The following MLLT3 variants were observed in gnomAD, a reference collection of about 807,000 sequenced individuals.
The protein encoded by MLLT3 is MLLT3 super elongation complex subunit.
MLLT3 carries 4 observed loss-of-function variants against 53.2 expected under a neutral mutation model. That is an observed-to-expected ratio of 0.08 (90% CI 0.04 to 0.17). The LOEUF (loss-of-function observed/expected upper bound fraction) is 0.17, where lower values mean the gene tolerates loss of function less well. Ranked by LOEUF, MLLT3 falls within the 10% of genes least tolerant of loss-of-function variation. The pLI is 1.00. For synonymous variants in MLLT3, 283 were observed against 230.6 expected, an observed-to-expected ratio of 1.23 and a Z score of -2.06; for missense variants, 569 against 684.0, an observed-to-expected ratio of 0.83 and a Z score of 1.87.
intron 4 of MLLT3, chr9:20,418,449 C>T (rs1254074261): frequency 6.6e-6 from 1 of 152,200 alleles, no homozygotes; most frequent in East Asian, 1.9e-4. Context: ...ATTTGATTTA[C>T]TTTTCCCACT....
intron 10 of MLLT3, among the ~76,000 whole-genome samples, chr9:20,351,608 C>T (rs1009293323): frequency 5.3e-5 from 8 of 152,270 alleles, no homozygotes; most frequent in Admixed American, 1.3e-4. Context: ...AGTTATTAAC[C>T]GCTTTTTGTG....
intron 2 of MLLT3, among the ~76,000 whole-genome samples, chr9:20,605,168 G>A (rs1820529551): frequency 6.6e-6 from 1 of 152,014 alleles, no homozygotes; most frequent in Non-Finnish European, 1.5e-5. Flanking sequence ...ACTGTATAAT[G>A]ATTTTTATAA....
intron 2 of MLLT3, among the ~76,000 whole-genome samples, chr9:20,553,797 T>G (rs1426972064): frequency 6.6e-6 from 1 of 152,098 alleles, no homozygotes; most frequent in Non-Finnish European, 1.5e-5. Context: ...ATTAGAAACT[T>G]TCCTTGCCTG....
rs1203342715 is a variant in MLLT3, at chr9:20,414,096, C to A, written c.750G>T (p.Lys250Asn). 1 of 1,613,530 alleles carries A rather than the reference C, an allele frequency of 6.2e-7. No individual in the cohort carries two copies. The highest frequency in any genetic ancestry group is 8.5e-7 in the Non-Finnish European group (1 of 1,179,944). The change falls in exon 5 of 11, where the codon AAG (lysine) becomes AAT (asparagine). Residue 250 changes from lysine (K) to asparagine (N), a missense_variant. This residue lies in a region of MLLT3 where 437 missense variants were observed against 376.5 expected (regional missense o/e 1.16). Coordinates refer to ENST00000380338, the MANE Select transcript of MLLT3 (RefSeq NM_004529.4). Reference sequence around the variant, plus strand: ...TGGGTTTAGGTTCCTTGAAGGCCATCTTAGGAACTATTTTCTCTTCTTTCA... The same window carrying A: ...TGGGTTTAGGTTCCTTGAAGGCCATATTAGGAACTATTTTCTCTTCTTTCA... ...KPLKEEKIVP[K>N]MAFKEPKPMS...
At chr9:20,607,427 G>A (rs539834940) in intron 2 of MLLT3, among the ~76,000 whole-genome samples, 2 of 151,996 alleles carry the variant, frequency 1.3e-5, no homozygotes, top group Non-Finnish European at 1.5e-5. Context: ...ATCACATTTA[G>A]AATTCTCTCA....
chr9:20,611,419 A>C (rs1820699571), intron 2 of MLLT3, among the ~76,000 whole-genome samples: 1 of 152,098 alleles, frequency 6.6e-6, no homozygotes, highest in South Asian at 2.1e-4. Flanking sequence ...AAATCAATAT[A>C]CACACACAGA....
intron 2 of MLLT3, among the ~76,000 whole-genome samples, chr9:20,615,874 G>GAAAAAAAAAAAAAAAAAAAAATA (rs10579863): frequency 7.5e-6 from 1 of 132,614 alleles, no homozygotes; most frequent in Non-Finnish European, 1.6e-5. Context: ...AAAGAGATTT[G>GAAAAAAAAAAAAAAAAAAAAATA]AAAAAAAAAA....
Position 20,622,295 on chromosome 9 carries a change from A to G in MLLT3, c.-39T>C. On this transcript the variant is annotated 5_prime_UTR_variant, in exon 1 of 11. Transcript: ENST00000380338. Reference sequence around the variant, plus strand: ...GAGGTTTGCTGGGGTGTTGTGTGGTACCCCCCCCTCCTCCGCCCCCCCTCA... The same window carrying G: ...GAGGTTTGCTGGGGTGTTGTGTGGTGCCCCCCCCTCCTCCGCCCCCCCTCA... The G allele has an allele frequency of 6.8e-7, 1 of 1,460,964 alleles. No individual in the cohort carries two copies. Among genetic ancestry groups the G allele is most frequent in the South Asian group, 1.3e-5 (1 of 76,654 alleles). 90.5% of individuals were successfully genotyped at this position (1,460,964 alleles called of 1,614,324 possible). A position where few individuals can be genotyped will look rare whatever the true frequency, so the allele number is the denominator to read the frequency against.
intron 2 of MLLT3, among the ~76,000 whole-genome samples, chr9:20,610,412 A>G (rs1312821091): frequency 1.3e-5 from 2 of 152,208 alleles, no homozygotes; most frequent in Admixed American, 6.5e-5. Context: ...GATTCTCAGC[A>G]GACACAATGT....
Position 20,413,847 on chromosome 9 carries a change from G to T in MLLT3, c.999C>A (p.Val333=). The change falls in exon 5 of 11, where the codon GTC becomes GTA. Residue 333 remains valine (V), a synonymous_variant. Transcript: ENST00000380338. ...TTTCAATTTTGACCTTTCCCATCTT[G>T]ACATGAGATTTATCTTTTATCTGTT... The part of the protein sequence containing the change: ...DKKQIKDKSH[V]KMGKVKIESE... 1 of 1,614,000 alleles carries T rather than the reference G, an allele frequency of 6.2e-7. No homozygotes were observed. The highest frequency in any genetic ancestry group is 8.5e-7 in the Non-Finnish European group (1 of 1,179,994).
chr9:20,385,944 T>G (rs572589047), intron 5 of MLLT3, among the ~76,000 whole-genome samples: 21 of 152,290 alleles, frequency 1.4e-4, no homozygotes, highest in Non-Finnish European at 2.6e-4. Flanking sequence ...AACTGCAATC[T>G]GCCTTCTGAG....
intron 2 of MLLT3, among the ~76,000 whole-genome samples, chr9:20,503,721 AGAGCTCTGCAC>A (rs1345475803): frequency 1.3e-5 from 2 of 152,194 alleles, no homozygotes; most frequent in African/African-American, 4.8e-5. Flanking sequence ...ATCAAACTAA[AGAGCTCTGCAC>A]AGCAAAGAAA....
chr9:20,370,577 C>A (rs1821574061), intron 5 of MLLT3, among the ~76,000 whole-genome samples: 1 of 151,910 alleles, frequency 6.6e-6, no homozygotes, highest in South Asian at 2.1e-4. Context: ...ATGGCAGGAT[C>A]TCAGCTCACT....
chr9:20,356,489 T>C (rs544858710), intron 8 of MLLT3, among the ~76,000 whole-genome samples: 1 of 152,036 alleles, frequency 6.6e-6, no homozygotes, highest in South Asian at 2.1e-4. Context: ...AGTAGGTCAG[T>C]AGATGGCACT....
chr9:20,616,049 A>G (rs1820826709), intron 2 of MLLT3, among the ~76,000 whole-genome samples: 1 of 152,154 alleles, frequency 6.6e-6, no homozygotes, highest in African/African-American at 2.4e-5. Flanking sequence ...ATACACTAAA[A>G]TTAATAGATA....
chr9:20,499,178 T>A (rs186277699), intron 2 of MLLT3, among the ~76,000 whole-genome samples: 14 of 152,278 alleles, frequency 9.2e-5, no homozygotes, highest in Non-Finnish European at 2.1e-4. Context: ...TATCTCCTCA[T>A]AAAGACAGCA....
intron 4 of MLLT3, among the ~76,000 whole-genome samples, chr9:20,437,593 T>A (rs1823437873): frequency 6.6e-6 from 1 of 151,858 alleles, no homozygotes; most frequent in Admixed American, 6.6e-5. Flanking sequence ...GAAGAAAAAA[T>A]ACAAAGGGGA....
intron 2 of MLLT3, among the ~76,000 whole-genome samples, chr9:20,616,165 T>A (rs535396363): frequency 1.8e-4 from 28 of 152,272 alleles, no homozygotes; most frequent in African/African-American, 6.7e-4. Flanking sequence ...CCTCAACTTA[T>A]GAGGTAATAG....
At position 20,383,816 on chromosome 9, in the gene MLLT3, GCTGA is replaced by G. The variant is rs1387612073; in HGVS notation, c.1126-18076_1126-18073del. Among the ~76,000 whole-genome samples the G allele has an allele frequency of 2.6e-5, 4 of 151,906 alleles. No homozygotes were observed. In the East Asian group the frequency reaches 7.7e-4, roughly 29 times the overall value. On this transcript the variant is annotated intron_variant, in intron 5 of 10. Transcript: ENST00000380338. ...TCTGAAACTTCTCCTGGAGAAGGCA[GCTGA>G]TAAAGTACCTAGTTCAATGCCCAAT...
Sources: gnomAD v4.1 joint callset for allele counts (sites outside exome capture counted in the v4.1 genomes callset) on GRCh38, gnomAD v4.1.1 for gene constraint, gnomAD v4.1.1 regional missense constraint, MANE v1.5 for transcripts, NCBI Gene and HGNC (gene_info 2026-07-23, HGNC 2026-07-21) for gene names.